SPON1: variants seen among roughly 807,000 people sequenced by gnomAD.
The protein encoded by SPON1 is spondin 1.
A neutral mutation model predicts 111.7 loss-of-function variants in SPON1; 52 were observed. The ratio of observed to expected loss-of-function variants is 0.47; its 90% CI spans 0.37 to 0.59. SPON1 has a LOEUF of 0.59. Ranked by LOEUF, SPON1 falls within the 20% of genes least tolerant of loss-of-function variation. The pLI is 0.00. For missense variants in SPON1, 957 were observed against 1,068.5 expected, an observed-to-expected ratio of 0.90 and a Z score of 1.46; for synonymous variants, 410 against 395.8, an observed-to-expected ratio of 1.04 and a Z score of -0.43.
intron 6 of SPON1, among the ~76,000 whole-genome samples, chr11:14,169,933 G>T (rs1848077335): frequency 6.6e-6 from 1 of 152,218 alleles, no homozygotes; most frequent in Admixed American, 6.5e-5. Flanking sequence ...GTAGTGTGAT[G>T]CCTCCAGCTT....
chr11:13,988,339 AT>A (rs1182100704), intron 2 of SPON1, among the ~76,000 whole-genome samples: 3 of 152,092 alleles, frequency 2.0e-5, no homozygotes, highest in Non-Finnish European at 2.9e-5. Flanking sequence ...TTCACTCATG[AT>A]TTGGCTCTCT....
intron 2 of SPON1, among the ~76,000 whole-genome samples, chr11:14,024,271 G>C (rs980952536): frequency 1.3e-5 from 2 of 152,194 alleles, no homozygotes; most frequent in African/African-American, 4.8e-5. Flanking sequence ...CAGGTGGCTT[G>C]TGTTAATCAG....
At chr11:14,086,995 C>G (rs1849011883) in intron 5 of SPON1, among the ~76,000 whole-genome samples, 1 of 152,040 alleles carries the variant, frequency 6.6e-6, no homozygotes, top group Non-Finnish European at 1.5e-5. Flanking sequence ...TAGTGATATC[C>G]TTTATCATTT....
chr11:14,196,455 G>C (rs1554935094), intron 6 of SPON1, among the ~76,000 whole-genome samples: 1 of 152,104 alleles, frequency 6.6e-6, no homozygotes, highest in Non-Finnish European at 1.5e-5. Flanking sequence ...CTTTAAAGAG[G>C]TAAATTGTAT....
Position 14,159,574 on chromosome 11 carries a change from A to C in SPON1, c.825+24006A>C, listed in dbSNP as rs147323417. On this transcript the variant is annotated intron_variant, in intron 6 of 15. Coordinates refer to ENST00000576479, the MANE Select transcript of SPON1 (RefSeq NM_006108.4). ...AAGGAAATCAGTATATCAAAGAGAT[A>C]TCTGCACTCCCATATTTGTTGCAGC... Among the ~76,000 whole-genome samples, 1,249 of 152,242 alleles carry C rather than the reference A, an allele frequency of 8.2e-3. 13 individuals carry two copies. Among genetic ancestry groups the C allele is most frequent in the African/African-American group, 0.028 (1,164 of 41,540 alleles).
chr11:14,212,730 CT>C (rs1397514347), intron 6 of SPON1, among the ~76,000 whole-genome samples: 4 of 152,122 alleles, frequency 2.6e-5, no homozygotes, highest in Non-Finnish European at 5.9e-5. Flanking sequence ...TGTTTGTCTC[CT>C]TTTTTGCTGT....
rs995208371 is a variant in SPON1, at chr11:14,246,300, G to A, written c.890+2904G>A. Among the ~76,000 whole-genome samples the A allele has an allele frequency of 5.9e-5, 9 of 152,130 alleles. 1 individual carries two copies. Among genetic ancestry groups the A allele is most frequent in the South Asian group, 2.1e-4 (1 of 4,822 alleles). On this transcript the variant is annotated intron_variant, in intron 7 of 15. Coordinates refer to ENST00000576479, the MANE Select transcript of SPON1 (RefSeq NM_006108.4). ...AGCATCCCCTTGGGTCCAAGTAGGC[G>A]CTGACATTTATTATCCCTTTTAATC...
Position 14,243,341 on chromosome 11 carries a change from G to T in SPON1, c.835G>T (p.Val279Phe), listed in dbSNP as rs374617015. 1 of 1,582,774 alleles carries T rather than the reference G, an allele frequency of 6.3e-7. No homozygotes were observed. The highest frequency in any genetic ancestry group is 1.3e-5 in the African/African-American group (1 of 74,350). The change falls in exon 7 of 16, where the codon GTC becomes TTC. Residue 279 changes from valine (V) to phenylalanine (F), a missense_variant. Val to Phe is a conservative substitution (Grantham distance 50, BLOSUM62 -1). Coordinates refer to ENST00000576479, the MANE Select transcript of SPON1 (RefSeq NM_006108.4). ...TGGTCCTTTTTTGCAGAGTGATGAG[G>T]TCCTCACCGTCATCAAAGCCAAAGC... The part of the protein sequence containing the change: ...EEEIRQQSDE[V>F]LTVIKAKAQW...
chr11:14,224,716 C>A, intron 6 of SPON1: 1 of 492,196 alleles, frequency 2.0e-6, no homozygotes, highest in South Asian at 1.5e-5. Context: ...ATGGTGGTGG[C>A]TGGCATAAAG....
chr11:13,979,806 A>G (rs1848130388), intron 1 of SPON1, among the ~76,000 whole-genome samples: 1 of 152,158 alleles, frequency 6.6e-6, no homozygotes, highest in Admixed American at 6.5e-5. Flanking sequence ...TGGATGAAGT[A>G]TCCTTAGTGT....
chr11:14,267,884 A>C lies in SPON1; in HGVS notation c.*2197A>C, dbSNP rs1205914167. The C allele has an allele frequency of 6.6e-6, 1 of 152,218 alleles. No individual in the cohort carries two copies. The highest frequency in any genetic ancestry group is 1.5e-5 in the Non-Finnish European group (1 of 68,034). The allele number at this position is 152,218 out of a possible 1,614,324, so 9.4% of individuals were successfully genotyped here. ...CCCAGTAAAAACTGCCATATAAAGA[A>C]GTTGTAATTGTTTGTTGTGTATGTA... is the stretch of plus-strand genomic sequence containing the variant. On this transcript the variant is annotated 3_prime_UTR_variant, in exon 16 of 16. Transcript: ENST00000576479.
At chr11:14,234,467 G>T (rs995101079) in intron 6 of SPON1, among the ~76,000 whole-genome samples, 4 of 152,214 alleles carry the variant, frequency 2.6e-5, no homozygotes, top group Non-Finnish European at 5.9e-5. Flanking sequence ...TTACTCAGGG[G>T]AGCAGCAGAC....
chr11:14,085,260 G>T (rs1355518624), intron 5 of SPON1, among the ~76,000 whole-genome samples: 1 of 152,086 alleles, frequency 6.6e-6, no homozygotes, highest in African/African-American at 2.4e-5. Context: ...TTTTCTTCTA[G>T]GGTTTTTATG....
intron 6 of SPON1, among the ~76,000 whole-genome samples, chr11:14,221,176 A>G (rs1554937540): frequency 6.6e-6 from 1 of 152,208 alleles, no homozygotes; most frequent in African/African-American, 2.4e-5. Context: ...TCCTGAAACC[A>G]TGAATGGTGA....
rs782351784 is a variant in SPON1 at position 14,255,705 on chromosome 11, A to G, written c.1151A>G (p.His384Arg). The change falls in exon 9 of 16, where the codon CAT (histidine) becomes CGT (arginine). Residue 384 changes from histidine to arginine, a missense_variant. Around this residue, in one of 5 missense-constraint regions of SPON1, gnomAD observed 549 missense variants for 606.2 expected, o/e 0.91. Transcript: ENST00000576479. ...EKIRPLTSLD[H>R]PQSPFYDPEG... is the part of the protein sequence containing the mutation. Reference sequence around the variant, plus strand: ...ATCCGGCCCCTGACCAGCCTGGACCATCCTCAGAGTCCTTTCTATGACCCA... The same window carrying G: ...ATCCGGCCCCTGACCAGCCTGGACCGTCCTCAGAGTCCTTTCTATGACCCA... The G allele has an allele frequency of 6.2e-6, 10 of 1,613,794 alleles. No homozygotes were observed. In the African/African-American group the frequency reaches 9.3e-5, roughly 15 times the overall value.
intron 6 of SPON1, among the ~76,000 whole-genome samples, chr11:14,185,551 A>G: frequency 6.6e-6 from 1 of 152,372 alleles, no homozygotes; most frequent in African/African-American, 2.4e-5. Context: ...TCTACATGGT[A>G]AAATGGATTA....
At chr11:14,157,080 C>A (rs1322760689) in intron 6 of SPON1, among the ~76,000 whole-genome samples, 2 of 152,260 alleles carry the variant, frequency 1.3e-5, no homozygotes, top group East Asian at 3.9e-4. Context: ...TATATTTTAA[C>A]CCTACAACAC....
At chr11:14,075,442 G>C in intron 4 of SPON1, 24 bp downstream of exon 4, 3 of 1,512,336 alleles carry the variant, frequency 2.0e-6, no homozygotes, top group Non-Finnish European at 2.7e-6. Flanking sequence ...GGTGGGGAGG[G>C]GGAGGGGCAG....
intron 2 of SPON1, among the ~76,000 whole-genome samples, chr11:14,031,493 T>C (rs1554916053): frequency 1.3e-5 from 2 of 152,142 alleles, no homozygotes. Flanking sequence ...ATTATGTTTC[T>C]GTTAAGTTCA....
Sources: allele counts gnomAD v4.1 joint callset (sites outside exome capture counted in the v4.1 genomes callset), GRCh38; gene constraint gnomAD v4.1.1; regional missense constraint gnomAD v4.1.1; transcripts MANE v1.5; gene names NCBI Gene and HGNC (gene_info 2026-07-23, HGNC 2026-07-21).